Variants in ZNF605 observed in about 807,000 individuals in gnomAD.
ZNF605 encodes the protein zinc finger protein 605.
A neutral mutation model predicts 7.9 loss-of-function variants in ZNF605; 9 were observed. The ratio of observed to expected loss-of-function variants is 1.14; its 90% CI spans 0.68 to 1.98. The LOEUF (loss-of-function observed/expected upper bound fraction) is 1.98. Among genes scored for constraint, ZNF605 ranks in the 30% most tolerant of loss-of-function variants. The pLI, the probability that ZNF605 is intolerant of heterozygous loss-of-function variation, is 0.00. For missense variants in ZNF605, 673 were observed against 762.4 expected (o/e 0.88, Z 1.38); for synonymous variants, 255 against 260.1 (o/e 0.98, Z 0.19).
At chr12:132,929,275 T>C (rs1377053333) in intron 4 of ZNF605, among the ~76,000 whole-genome samples, 1 of 151,180 alleles carries the variant, frequency 6.6e-6, no homozygotes, top group East Asian at 2.0e-4. Flanking sequence ...GGTGTGGTGG[T>C]GCACACCTGT....
rs1365697519 is a variant in ZNF605 at position 132,941,127 on chromosome 12, G to A, written c.15+4494C>T. ...CCAGGAAACACAACCACCCAACTGC[G>A]CTTGCTAAATGCAGACTAAGATGTC... On this transcript the variant is annotated intron_variant, in intron 3 of 4. Transcript: ENST00000360187. The surrounding 1 kb of genome is among the most constrained non-coding windows in gnomAD (Gnocchi z 5.1). Among the ~76,000 whole-genome samples the A allele has an allele frequency of 7.9e-5, 12 of 152,098 alleles. No homozygotes were observed. The highest frequency in any genetic ancestry group is 2.0e-4 in the Admixed American group (3 of 15,262).
intron 3 of ZNF605, among the ~76,000 whole-genome samples, chr12:132,942,826 C>A (rs899505811): frequency 6.6e-6 from 1 of 152,186 alleles, no homozygotes; most frequent in South Asian, 2.1e-4. Context: ...GGCTGTGGGG[C>A]GTCTTTCCTG....
rs1952244099 is a variant in ZNF605, at chr12:132,926,113, T to C, written c.1186A>G (p.Ser396Gly). Residue 396 changes from serine to glycine, a missense_variant, in exon 5 of 5, where the codon AGT becomes GGT. Ser to Gly is a moderately conservative substitution (Grantham distance 56). Transcript: ENST00000360187. ...TTAAAGAAGGCCTCCTCACAATCAC[T>C]GCATCGATAGTTCTTCTCTCCTGTG... ...THTGEKNYRC[S>G]DCEEAFFKKS... 4.3e-6 allele frequency: 7 copies of C among 1,614,128 alleles called. No individual in the cohort carries two copies. In the South Asian group the frequency reaches 4.4e-5, roughly 10 times the overall value.
rs1215693636 is a variant in ZNF605 at position 132,923,645 on chromosome 12, A to G, written c.*1728T>C. On this transcript the variant is annotated 3_prime_UTR_variant, in exon 5 of 5. Transcript: ENST00000360187. ...TTTATCAGTGCTTTTCATGAATGTGACTCTGAGGTGCACTGCTGTGATGTA... is the reference window on the plus strand; with the variant it reads ...TTTATCAGTGCTTTTCATGAATGTGGCTCTGAGGTGCACTGCTGTGATGTA... The G allele has an allele frequency of 6.6e-6, 1 of 152,044 alleles. No homozygotes were observed. Among genetic ancestry groups the G allele is most frequent in the Non-Finnish European group, 1.5e-5 (1 of 68,020 alleles). The allele number at this position is 152,044 out of a possible 1,614,324, so 9.4% of individuals were successfully genotyped here. A position where few individuals can be genotyped will look rare whatever the true frequency, so the allele number is the denominator to read the frequency against.
chr12:132,922,259 T>C lies in ZNF605; in HGVS notation c.*3114A>G, dbSNP rs1952212408. 6.6e-6 allele frequency: 1 copy of C among 152,218 alleles called. No individual in the cohort carries two copies. Among genetic ancestry groups the C allele is most frequent in the African/African-American group, 2.4e-5 (1 of 41,468 alleles). 9.4% of individuals were successfully genotyped at this position (152,218 alleles called of 1,614,324 possible). ...CTTGTCCACAGATATTTAACCTAAA[T>C]AACAATGCTTTTTGAAGGTTGTTTG... is the stretch of plus-strand genomic sequence containing the variant. On this transcript the variant is annotated 3_prime_UTR_variant, in exon 5 of 5. Coordinates refer to ENST00000360187, the MANE Select transcript of ZNF605 (RefSeq NM_183238.4).
chr12:132,949,396 G>A (rs1306285757), intron 1 of ZNF605, among the ~76,000 whole-genome samples: 7 of 152,214 alleles, frequency 4.6e-5, no homozygotes, highest in Admixed American at 2.6e-4. Context: ...AGCTGTAAGT[G>A]ATGGTACTCA....
In ZNF605 at chr12:132,926,427, G is replaced by A; in HGVS notation, c.872C>T (p.Ser291Phe). 1 of 1,613,876 alleles carries A rather than the reference G, an allele frequency of 6.2e-7. No individual in the cohort carries two copies. Among genetic ancestry groups the A allele is most frequent in the Non-Finnish European group, 8.5e-7 (1 of 1,179,962 alleles). The change falls in exon 5 of 5, where the codon TCC becomes TTC. Residue 291 changes from serine to phenylalanine, a missense_variant. Ser to Phe is a radical substitution (Grantham distance 155, BLOSUM62 -2). Coordinates refer to ENST00000360187, the MANE Select transcript of ZNF605 (RefSeq NM_183238.4). ...ATGTGTGATGAGTTTTAATTTCTGG[G>A]AGAATGCTTTCCCACACTCACTGCA... Reference protein sequence around the residue: ...YSCSECGKAFSQKLKLITHQR... With the variant: ...YSCSECGKAFFQKLKLITHQR...
Position 132,945,710 on chromosome 12 carries a change from G to T in ZNF605, c.-75C>A. 6.2e-7 allele frequency: 1 copy of T among 1,607,266 alleles called. No homozygotes were observed. Among genetic ancestry groups the T allele is most frequent in the Non-Finnish European group, 8.5e-7 (1 of 1,173,690 alleles). On this transcript the variant is annotated 5_prime_UTR_variant, in exon 3 of 5. It adds an upstream start codon to the 5' untranslated region. Coordinates refer to ENST00000360187, the MANE Select transcript of ZNF605 (RefSeq NM_183238.4). ...GACACCCTGGAGTGGCCTCTGGTCA[G>T]TGGTCTGTAAACTGAGAATACATCC... is the stretch of plus-strand genomic sequence containing the variant.
chr12:132,937,124 C>T (rs1475521207), intron 3 of ZNF605, among the ~76,000 whole-genome samples: 2 of 151,976 alleles, frequency 1.3e-5, no homozygotes, highest in Non-Finnish European at 2.9e-5. Flanking sequence ...TTTGGGAGGC[C>T]GAGGCAGGCG....
Position 132,926,502 on chromosome 12 carries a change from G to A in ZNF605, c.797C>T (p.Ser266Leu), listed in dbSNP as rs1241870620. 2.2e-5 allele frequency: 35 copies of A among 1,614,012 alleles called. No homozygotes were observed. The South Asian group carries it at 2.5e-4, about 12-fold the overall frequency. Reference sequence around the variant, plus strand: ...CGTTATCTGATGTCTTTTAAGCTGCGACTTCCTACTGAAGGCTTTTCCACA... The same window carrying A: ...CGTTATCTGATGTCTTTTAAGCTGCAACTTCCTACTGAAGGCTTTTCCACA... Reference protein sequence around the residue: ...SECGKAFSRKSQLKRHQITHT... With the variant: ...SECGKAFSRKLQLKRHQITHT... Residue 266 changes from serine to leucine, a missense_variant, in exon 5 of 5, where the codon TCG becomes TTG. Coordinates refer to ENST00000360187, the MANE Select transcript of ZNF605 (RefSeq NM_183238.4).
chr12:132,925,837 C>T lies in ZNF605; in HGVS notation c.1462G>A (p.Glu488Lys), dbSNP rs1403884053. 6.2e-7 allele frequency: 1 copy of T among 1,614,062 alleles called. No homozygotes were observed. The highest frequency in any genetic ancestry group is 8.5e-7 in the Non-Finnish European group (1 of 1,180,036). The change falls in exon 5 of 5, where the codon GAG (glutamate) becomes AAG (lysine). Residue 488 changes from glutamate to lysine, a missense_variant. Glu to Lys is a moderately conservative substitution (Grantham distance 56). Coordinates refer to ENST00000360187, the MANE Select transcript of ZNF605 (RefSeq NM_183238.4). ...TGATGATGAATGAGACTTGACTTCT[C>T]ACTGAAGGTTTTCCTGCATTCACTG... ...ECSECRKTFS[E>K]KSSLIHHQRT...
intron 3 of ZNF605, among the ~76,000 whole-genome samples, chr12:132,937,751 T>C (rs1488568266): frequency 1.3e-5 from 2 of 152,186 alleles, no homozygotes; most frequent in Admixed American, 6.6e-5. Flanking sequence ...TTCAAACCTA[T>C]ATGCAGATGA....
At chr12:132,940,391 CAT>C (rs1022114575) in intron 3 of ZNF605, among the ~76,000 whole-genome samples, 15 of 152,314 alleles carry the variant, frequency 9.8e-5, no homozygotes, top group Admixed American at 5.9e-4. Context: ...CAGGCACAAA[CAT>C]AAACAATCAC....
At chr12:132,946,583 C>T (rs1452655218) in intron 2 of ZNF605, among the ~76,000 whole-genome samples, 2 of 152,202 alleles carry the variant, frequency 1.3e-5, no homozygotes, top group African/African-American at 4.8e-5. Context: ...CCAAGGGGTA[C>T]CTGAGGCAGA....
chr12:132,929,048 A>AC lies in ZNF605; in HGVS notation c.137-1887_137-1886insG, dbSNP rs200115469. 2.7e-5 allele frequency among the ~76,000 whole-genome samples: 4 copies of AC among 150,110 alleles called. No individual in the cohort carries two copies. The South Asian group carries it at 8.4e-4, about 32-fold the overall frequency. On this transcript the variant is annotated intron_variant, in intron 4 of 4. Coordinates refer to ENST00000360187, the MANE Select transcript of ZNF605 (RefSeq NM_183238.4). ...ACAAAACAAAACAAAACAAAACAAAAAAACCCCAAAAACTACTCTTTTCTA... is the reference window on the plus strand; with the variant it reads ...ACAAAACAAAACAAAACAAAACAAAACAAACCCCAAAAACTACTCTTTTCTA...
At chr12:132,927,919 T>C (rs1952265097) in intron 4 of ZNF605, among the ~76,000 whole-genome samples, 2 of 152,244 alleles carry the variant, frequency 1.3e-5, no homozygotes, top group South Asian at 2.1e-4. Flanking sequence ...CCTCCCAAAG[T>C]GCTGGGATTA....
chr12:132,936,161 G>C (rs760886943), intron 3 of ZNF605, among the ~76,000 whole-genome samples: 376 of 151,658 alleles, frequency 2.5e-3, no homozygotes, highest in Non-Finnish European at 4.5e-3. Context: ...TATATTCAAA[G>C]AAATGAGAGG....
chr12:132,945,925 G>T, intron 2 of ZNF605, 128 bp from the exon 3 acceptor site: 1 of 584,502 alleles, frequency 1.7e-6, no homozygotes, highest in Non-Finnish European at 3.0e-6. Context: ...GCTCACACCA[G>T]GGCTAGCGGG....
chr12:132,943,862 T>C (rs1198856777), intron 3 of ZNF605, among the ~76,000 whole-genome samples: 1 of 152,138 alleles, frequency 6.6e-6, no homozygotes, highest in African/African-American at 2.4e-5. Context: ...AGGCTGGAGC[T>C]TGCTGGACAG....
Sources: allele counts gnomAD v4.1 joint callset (sites outside exome capture counted in the v4.1 genomes callset), GRCh38; gene constraint gnomAD v4.1.1; non-coding constraint Gnocchi (gnomAD v3.1); transcripts MANE v1.5; gene names NCBI Gene and HGNC (gene_info 2026-07-23, HGNC 2026-07-21).